CYP4V2: variants seen among roughly 807,000 people sequenced by gnomAD.
CYP4V2 encodes the protein cytochrome P450 family 4 subfamily V member 2.
In CYP4V2, 55 loss-of-function variants were observed where a neutral mutation model predicts 60.8. The observed-to-expected ratio is 0.90, with a 90% CI of 0.73 to 1.13. The LOEUF (loss-of-function observed/expected upper bound fraction) is 1.13. Among genes scored for constraint, CYP4V2 ranks in the 50% most tolerant of loss-of-function variants. The pLI, the probability that CYP4V2 is intolerant of heterozygous loss-of-function variation, is 0.00. For missense variants in CYP4V2, 675 were observed against 662.9 expected (o/e 1.02, Z -0.20); for synonymous variants, 239 against 236.8 (o/e 1.01, Z -0.08).
intron 5 of CYP4V2, among the ~76,000 whole-genome samples, 187 bp from the exon 6 acceptor site, chr4:186,198,770 G>A (rs1029324860): frequency 2.0e-5 from 3 of 152,166 alleles, no homozygotes; most frequent in African/African-American, 7.2e-5. Context: ...ATTATTTTCT[G>A]AGGCTTCATG....
At chr4:186,197,387 G>A (rs546158674) in intron 4 of CYP4V2, 146 bp from the exon 5 acceptor site, 1 of 934,002 alleles carries the variant, frequency 1.1e-6, no homozygotes, top group Non-Finnish European at 1.7e-6. Flanking sequence ...GACCGTACAA[G>A]AGAAGAGGGT....
intron 1 of CYP4V2, among the ~76,000 whole-genome samples, chr4:186,193,785 C>T (rs1736062293): frequency 6.6e-6 from 1 of 152,208 alleles, no homozygotes; most frequent in Non-Finnish European, 1.5e-5. Context: ...TTGTCTTTCA[C>T]ATACAAGAGG....
intron 7 of CYP4V2, chr4:186,203,898 T>C (rs1736399567): frequency 6.6e-6 from 1 of 152,306 alleles, no homozygotes; most frequent in South Asian, 2.1e-4. Context: ...GCACAGAGAA[T>C]GAAATATTAC....
intron 10 of CYP4V2, 108 bp downstream of exon 10, chr4:186,209,380 T>TA (rs11437160): frequency 0.04 from 43,408 of 1,076,154 alleles, 1,416 homozygotes; most frequent in African/African-American, 0.24. Context: ...GCAACAGCCT[T>TA]AAAAAAAAAA....
rs1390601426 is a variant in CYP4V2 at position 186,201,163 on chromosome 4, G to A, written c.808G>A (p.Ala270Thr). The change falls in exon 7 of 11, where the codon GCT becomes ACT. Residue 270 changes from alanine (A) to threonine (T), a missense_variant. Ala to Thr is a moderately conservative substitution (Grantham distance 58). Coordinates refer to ENST00000378802, the MANE Select transcript of CYP4V2 (RefSeq NM_207352.4). ...TATCATTCAAATCATACAGGTCATC[G>A]CTGAACGGGCCAATGAAATGAACGC... ...ILHTFTNSVI[A>T]ERANEMNANE... 5.0e-6 allele frequency: 8 copies of A among 1,613,968 alleles called. No individual in the cohort carries two copies. The highest frequency in any genetic ancestry group is 2.7e-5 in the African/African-American group (2 of 74,920).
chr4:186,208,812 A>AC, intron 8 of CYP4V2, 53 bp from the exon 9 acceptor site: 1 of 1,613,434 alleles, frequency 6.2e-7, no homozygotes. Flanking sequence ...AGATGTCTGC[A>AC]CCCCCAGCCC....
At chr4:186,196,218 G>C (rs1736142384) in intron 3 of CYP4V2, 130 bp downstream of exon 3, 2 of 878,984 alleles carry the variant, frequency 2.3e-6, no homozygotes, top group South Asian at 2.8e-5. Flanking sequence ...GAGGAGAAAG[G>C]CTGGAAAGGA....
At position 186,209,008 on chromosome 4, in the gene CYP4V2, G is replaced by C. The variant is rs1472413135; in HGVS notation, c.1225+9G>C. On this transcript the variant is annotated intron_variant, in intron 9 of 10. Transcript: ENST00000378802. ...TGAAGATTGTGAAGTGGGTAAGTAT[G>C]CTATACCTAAAGTAGAAGGGAGAGG... 1.9e-6 allele frequency: 3 copies of C among 1,614,178 alleles called. No individual in the cohort carries two copies. Among genetic ancestry groups the C allele is most frequent in the Non-Finnish European group, 2.5e-6 (3 of 1,180,026 alleles).
Position 186,191,733 on chromosome 4 carries a change from A to AGTGGGCG in CYP4V2, c.-87_-81dup. On this transcript the variant is annotated 5_prime_UTR_variant, in exon 1 of 11. Coordinates refer to ENST00000378802, the MANE Select transcript of CYP4V2 (RefSeq NM_207352.4). ...GGAGCGCGCCAGGTCCGCGCGGGGA[A>AGTGGGCG]GTGGGCGGTGTGCGGCCGGCACCGC... 1.7e-6 allele frequency: 2 copies of AGTGGGCG among 1,200,716 alleles called. No homozygotes were observed. The highest frequency in any genetic ancestry group is 2.4e-5 in the South Asian group (1 of 42,442). 74.4% of individuals were successfully genotyped at this position (1,200,716 alleles called of 1,614,324 possible). A position where few individuals can be genotyped will look rare whatever the true frequency, so the allele number is the denominator to read the frequency against.
In CYP4V2 at chr4:186,210,679, C is replaced by CT; in HGVS notation, c.*41dup. 1.2e-6 allele frequency: 2 copies of CT among 1,610,254 alleles called. No homozygotes were observed. The highest frequency in any genetic ancestry group is 1.7e-6 in the Non-Finnish European group (2 of 1,177,080). The stretch of plus-strand genomic sequence containing the variant: ...GTTGTGCCTTTATCATGAGAAAGGT[C>CT]TTTATTTTAAGAGATCCTTGTCATT... On this transcript the variant is annotated 3_prime_UTR_variant, in exon 11 of 11. Transcript: ENST00000378802.
At position 186,197,491 on chromosome 4, in the gene CYP4V2, C is replaced by T. The variant is rs763425913; in HGVS notation, c.605-42C>T. On this transcript the variant is annotated intron_variant, in intron 4 of 10. Coordinates refer to ENST00000378802, the MANE Select transcript of CYP4V2 (RefSeq NM_207352.4). ...TGCAAAATAAACACGAGATAACTAA[C>T]GTGCGTGAATTGAATGGTTGCTTCT... The T allele has an allele frequency of 2.3e-5, 36 of 1,587,398 alleles. No homozygotes were observed. The South Asian group carries it at 2.3e-4, about 10-fold the overall frequency.
chr4:186,192,219 C>T (rs1292223979), intron 1 of CYP4V2, 182 bp downstream of exon 1: 1 of 787,338 alleles, frequency 1.3e-6, no homozygotes, highest in Non-Finnish European at 2.2e-6. Flanking sequence ...TGCTAGTGCC[C>T]CATCCCAAAG....
chr4:186,191,689 C>A lies in CYP4V2; in HGVS notation c.-135C>A. ...CGGGCGGGAAACGTCGTTCCGGGGA[C>A]CGGGCGACCCCGCAGCGGGGAGCGC... On this transcript the variant is annotated 5_prime_UTR_variant, in exon 1 of 11. Transcript: ENST00000378802. 1 of 833,592 alleles carries A rather than the reference C, an allele frequency of 1.2e-6. No individual in the cohort carries two copies. Among genetic ancestry groups the A allele is most frequent in the Non-Finnish European group, 1.6e-6 (1 of 631,378 alleles). 51.6% of individuals were successfully genotyped at this position (833,592 alleles called of 1,614,324 possible).
chr4:186,191,974 C>T lies in CYP4V2; in HGVS notation c.151C>T (p.Pro51Ser). 1 of 1,585,278 alleles carries T rather than the reference C, an allele frequency of 6.3e-7. No homozygotes were observed. ...ARKWQQMRPI[P>S]TVARAYPLVG... ...GAAATGGCAGCAGATGCGGCCCATC[C>T]CCACGGTGGCCCGCGCCTACCCACT... is the stretch of plus-strand genomic sequence containing the variant. Residue 51 changes from proline to serine, a missense_variant, in exon 1 of 11, where the codon CCC becomes TCC. By Grantham distance (74) the Pro-to-Ser change is moderately conservative (BLOSUM62 -1). Coordinates refer to ENST00000378802, the MANE Select transcript of CYP4V2 (RefSeq NM_207352.4).
intron 1 of CYP4V2, among the ~76,000 whole-genome samples, chr4:186,192,759 C>T (rs562282191): frequency 1.3e-5 from 2 of 152,246 alleles, no homozygotes; most frequent in East Asian, 3.9e-4. Context: ...TCAGGGAGGG[C>T]GAACTCGATC....
intron 7 of CYP4V2, chr4:186,202,525 A>G (rs1042108299): frequency 1.3e-5 from 2 of 152,154 alleles, no homozygotes; most frequent in African/African-American, 4.8e-5. Flanking sequence ...ACCGGGTGTT[A>G]TTATTGCATG....
Position 186,192,033 on chromosome 4 carries a change from G to C in CYP4V2, c.210G>C (p.Gly70=), listed in dbSNP as rs1223067133. The stretch of plus-strand genomic sequence containing the variant: ...ACGCGCTGCTGATGAAGCCGGACGG[G>C]CGAGGTAAGGGCCGGCGCTCCTCCT... ...VGHALLMKPD[G]REFFQQIIEY... is the part of the protein sequence containing the mutation. The change falls in exon 1 of 11, where the codon GGG becomes GGC. Residue 70 remains glycine (G), a synonymous_variant. Coordinates refer to ENST00000378802, the MANE Select transcript of CYP4V2 (RefSeq NM_207352.4). 3 of 1,574,138 alleles carry C rather than the reference G, an allele frequency of 1.9e-6. No homozygotes were observed. Among genetic ancestry groups the C allele is most frequent in the Non-Finnish European group, 2.6e-6 (3 of 1,165,400 alleles).
chr4:186,210,297 A>G (rs1446506678), intron 10 of CYP4V2, among the ~76,000 whole-genome samples, 172 bp from the exon 11 acceptor site: 3 of 152,222 alleles, frequency 2.0e-5, no homozygotes, highest in Non-Finnish European at 4.4e-5. Context: ...AGGTGGGATC[A>G]GGGAGGGAAA....
chr4:186,196,787 G>T, intron 3 of CYP4V2, 153 bp from the exon 4 acceptor site: 4 of 683,370 alleles, frequency 5.9e-6, no homozygotes, highest in Non-Finnish European at 9.8e-6. Flanking sequence ...TTGTCATTCT[G>T]CCAAAAGCAT....
Sources: allele counts gnomAD v4.1 joint callset (sites outside exome capture counted in the v4.1 genomes callset), GRCh38; gene constraint gnomAD v4.1.1; transcripts MANE v1.5; gene names NCBI Gene and HGNC (gene_info 2026-07-23, HGNC 2026-07-21).